EXOC5: variants seen among roughly 807,000 people sequenced by gnomAD.
EXOC5 encodes the protein exocyst complex component 5, also known as SEC10-like 1.
A neutral mutation model predicts 90.8 loss-of-function variants in EXOC5; 17 were observed. That is an observed-to-expected ratio of 0.19 (90% CI 0.13 to 0.28). The LOEUF (loss-of-function observed/expected upper bound fraction) is 0.28, where lower values mean the gene tolerates loss of function less well. Among genes scored for constraint, EXOC5 ranks in the 10% least tolerant of loss-of-function variants. The pLI, the probability that EXOC5 is intolerant of heterozygous loss-of-function variation, is 1.00. For missense variants in EXOC5, 569 were observed against 830.6 expected, an observed-to-expected ratio of 0.69 and a Z score of 3.87; for synonymous variants, 260 against 270.0, an observed-to-expected ratio of 0.96 and a Z score of 0.36.
intron 15 of EXOC5, among the ~76,000 whole-genome samples, chr14:57,210,383 G>A (rs965975538): frequency 1.3e-5 from 2 of 152,078 alleles, no homozygotes; most frequent in African/African-American, 2.4e-5. Flanking sequence ...CCATATACAA[G>A]TTGAGTATCC....
In EXOC5 at chr14:57,239,577, CTT is replaced by C. The variant is rs1883791914; in HGVS notation, c.530+16_530+17del. ...ATTATACCACATATTCAAATTAGCT[CTT>C]GAGAAATGAACTTGCCTATCAAAAG... is the stretch of plus-strand genomic sequence containing the variant. On this transcript the variant is annotated intron_variant, in intron 5 of 17. Coordinates refer to ENST00000621441, the MANE Select transcript of EXOC5 (RefSeq NM_006544.4). The C allele has an allele frequency of 2.9e-6, 4 of 1,376,524 alleles. No individual in the cohort carries two copies. Among genetic ancestry groups the C allele is most frequent in the Non-Finnish European group, 4.0e-6 (4 of 1,000,738 alleles). 85.3% of individuals were successfully genotyped at this position (1,376,524 alleles called of 1,614,324 possible). A position where few individuals can be genotyped will look rare whatever the true frequency, so the allele number is the denominator to read the frequency against.
At chr14:57,217,128 G>C (rs775093861) in intron 15 of EXOC5, among the ~76,000 whole-genome samples, 4 of 152,138 alleles carry the variant, frequency 2.6e-5, no homozygotes, top group Non-Finnish European at 5.9e-5. Flanking sequence ...CAAGAATGCA[G>C]GTAAAAGAGG....
At chr14:57,234,173 A>G (rs182590582) in intron 7 of EXOC5, 141 bp from the exon 8 acceptor site, 1 of 606,822 alleles carries the variant, frequency 1.6e-6, no homozygotes, top group Non-Finnish European at 2.9e-6. Context: ...CTTAAATAAA[A>G]TTAACTGCAG....
In EXOC5 at chr14:57,235,962, G is replaced by A. The variant is rs1023841029; in HGVS notation, c.560-142C>T. ...ACAAAAACAAATGAGATTATAGGCC[G>A]TGAACCCAGCCCCTGTAATATACTG... On this transcript the variant is annotated intron_variant, in intron 6 of 17. Coordinates refer to ENST00000621441, the MANE Select transcript of EXOC5 (RefSeq NM_006544.4). The A allele has an allele frequency of 5.8e-5, 34 of 588,516 alleles. 1 individual carries two copies. The highest frequency in any genetic ancestry group is 3.9e-4 in the African/African-American group (21 of 53,856). 36.5% of individuals were successfully genotyped at this position (588,516 alleles called of 1,614,324 possible). A position where few individuals can be genotyped will look rare whatever the true frequency, so the allele number is the denominator to read the frequency against.
Position 57,209,698 on chromosome 14 carries a change from A to G in EXOC5, c.1807T>C (p.Leu603=), listed in dbSNP as rs1882768161. 1.2e-6 allele frequency: 2 copies of G among 1,613,068 alleles called. No individual in the cohort carries two copies. The highest frequency in any genetic ancestry group is 1.3e-5 in the African/African-American group (1 of 75,030). The part of the protein sequence containing the change: ...SMDGKNVDTV[L]MELGVRFHRL... The stretch of plus-strand genomic sequence containing the variant: ...TGAAAACGTACTCCAAGTTCCATCA[A>G]AACTGTATCCACATTCTTCCCATCC... The change falls in exon 17 of 18, where the codon TTG becomes CTG. Residue 603 remains leucine, a synonymous_variant. Transcript: ENST00000621441.
At chr14:57,226,191 G>C (rs1278874768) in intron 12 of EXOC5, among the ~76,000 whole-genome samples, 3 of 152,152 alleles carry the variant, frequency 2.0e-5, no homozygotes, top group African/African-American at 7.2e-5. Context: ...GAAAGATCTT[G>C]AGGCCCACAA....
rs986865482 is a variant in EXOC5, at chr14:57,208,895, T to C, written c.1939-98A>G. 23 of 724,084 alleles carry C rather than the reference T, an allele frequency of 3.2e-5. No individual in the cohort carries two copies. The African/African-American group carries it at 3.7e-4, about 12-fold the overall frequency. 44.9% of individuals were successfully genotyped at this position (724,084 alleles called of 1,614,324 possible). A position where few individuals can be genotyped will look rare whatever the true frequency, so the allele number is the denominator to read the frequency against. ...TTACATACTGTCAGGTGGGACTTAC[T>C]AGTGTGGGTGAAGTTCAACATATTA... On this transcript the variant is annotated intron_variant, in intron 17 of 17. Transcript: ENST00000621441.
Position 57,244,318 on chromosome 14 carries a change from G to A in EXOC5, c.312C>T (p.Ser104=). 5 of 1,613,828 alleles carry A rather than the reference G, an allele frequency of 3.1e-6. No homozygotes were observed. The highest frequency in any genetic ancestry group is 1.6e-4 in the Middle Eastern group (1 of 6,062). ...GGTGACAGACTTTAGTTGCTACATA[G>A]CTAATGTGCTCATCTAGTTCTTGGA... ...QHFQELDEHI[S]YVATKVCHLG... The change falls in exon 4 of 18, where the codon AGC becomes AGT. Residue 104 remains serine, a synonymous_variant. Coordinates refer to ENST00000621441, the MANE Select transcript of EXOC5 (RefSeq NM_006544.4).
At chr14:57,230,195 T>C (rs567115591) in intron 11 of EXOC5, among the ~76,000 whole-genome samples, 2 of 152,298 alleles carry the variant, frequency 1.3e-5, no homozygotes, top group East Asian at 3.9e-4. Flanking sequence ...TAGGTTGGCA[T>C]TCTAAATAAC....
In EXOC5 at chr14:57,266,699, T is replaced by C. The variant is rs1312514688; in HGVS notation, c.27+1923A>G. Among the ~76,000 whole-genome samples the C allele has an allele frequency of 3.1e-5, 4 of 129,700 alleles. No homozygotes were observed. In the Admixed American group the frequency reaches 3.2e-4, roughly 10 times the overall value. The allele number at this position is 129,700 out of a possible 152,430, so 85.1% of individuals were successfully genotyped here. A position where few individuals can be genotyped will look rare whatever the true frequency, so the allele number is the denominator to read the frequency against. ...TTACATTATATATATGTATGTTATA[T>C]ATACGTTATATATATATATGTGTAT... On this transcript the variant is annotated intron_variant, in intron 1 of 17. Transcript: ENST00000621441.
intron 3 of EXOC5, 125 bp downstream of exon 3, chr14:57,246,586 A>C (rs1672847877): frequency 1.2e-6 from 1 of 814,982 alleles, no homozygotes; most frequent in Non-Finnish European, 2.0e-6. Flanking sequence ...CATGGGACTA[A>C]AGCAGTAGAA....
rs1047276896 is a variant in EXOC5 at position 57,229,894 on chromosome 14, A to T, written c.1149-13T>A. 5 of 1,357,870 alleles carry T rather than the reference A, an allele frequency of 3.7e-6. No individual in the cohort carries two copies. In the African/African-American group the frequency reaches 4.3e-5, roughly 12 times the overall value. 84.1% of individuals were successfully genotyped at this position (1,357,870 alleles called of 1,614,324 possible). On this transcript the variant is annotated splice_polypyrimidine_tract_variant and intron_variant, in intron 11 of 17. Coordinates refer to ENST00000621441, the MANE Select transcript of EXOC5 (RefSeq NM_006544.4). ...CAAATCTTGAATACTAGTACATCATAAAGACAAATGAAAAAAAGAAAACAT... is the reference window on the plus strand; with the variant it reads ...CAAATCTTGAATACTAGTACATCATTAAGACAAATGAAAAAAAGAAAACAT...
In EXOC5 at chr14:57,207,002, C is replaced by T. The variant is rs1451072091; in HGVS notation, c.*1607G>A. ...GGCAATAGTACAAGCAAATGACTTT[C>T]TCTAGTATCCAAAACCTGCGCTGGC... On this transcript the variant is annotated 3_prime_UTR_variant, in exon 18 of 18. Transcript: ENST00000621441. The T allele has an allele frequency of 6.6e-6, 1 of 152,432 alleles. No individual in the cohort carries two copies. Among genetic ancestry groups the T allele is most frequent in the Non-Finnish European group, 1.5e-5 (1 of 67,910 alleles). 9.4% of individuals were successfully genotyped at this position (152,432 alleles called of 1,614,324 possible).
chr14:57,251,168 T>A (rs1884178760), intron 1 of EXOC5, among the ~76,000 whole-genome samples: 1 of 152,188 alleles, frequency 6.6e-6, no homozygotes, highest in South Asian at 2.1e-4. Flanking sequence ...CAATTTCAGC[T>A]CTTAGCACAA....
intron 5 of EXOC5, chr14:57,237,658 T>C: frequency 3.7e-6 from 1 of 271,398 alleles, no homozygotes; most frequent in Non-Finnish European, 6.9e-6. Context: ...ATCAATTCTC[T>C]TTTTAAAGAA....
chr14:57,246,650 TG>T lies in EXOC5; in HGVS notation c.270+60del, dbSNP rs369264268. 640 of 1,418,372 alleles carry T rather than the reference TG, an allele frequency of 4.5e-4. 3 individuals are homozygous for T. In the African/African-American group the frequency reaches 7.9e-3, roughly 17 times the overall value. 87.9% of individuals were successfully genotyped at this position (1,418,372 alleles called of 1,614,324 possible). On this transcript the variant is annotated intron_variant, in intron 3 of 17. Transcript: ENST00000621441. ...CTAGACTTTTTTAAGAGCTTAAAACTGGAAGAAAATAAAGATATTATAGCCT... is the reference window on the plus strand; with the variant it reads ...CTAGACTTTTTTAAGAGCTTAAAACTGAAGAAAATAAAGATATTATAGCCT...
In EXOC5 at chr14:57,221,560, C is replaced by T. The variant is rs114134814; in HGVS notation, c.1405+748G>A. Among the ~76,000 whole-genome samples the T allele has an allele frequency of 7.6e-3, 1,155 of 152,124 alleles. 19 individuals carry two copies. Among genetic ancestry groups the T allele is most frequent in the African/African-American group, 0.026 (1,095 of 41,496 alleles). ...GAAGAGTACATGAATTTGACTTATG[C>T]CTGGAAGTATACTGACAGGATTTGC... is the stretch of plus-strand genomic sequence containing the variant. On this transcript the variant is annotated intron_variant, in intron 13 of 17. Transcript: ENST00000621441.
At chr14:57,228,198 A>AT (rs1883368769) in intron 12 of EXOC5, among the ~76,000 whole-genome samples, 1 of 152,202 alleles carries the variant, frequency 6.6e-6, no homozygotes, top group Admixed American at 6.5e-5. Context: ...AACAGTCAGG[A>AT]AACAACAAAT....
At chr14:57,251,545 G>C (rs1884192836) in intron 1 of EXOC5, among the ~76,000 whole-genome samples, 2 of 152,056 alleles carry the variant, frequency 1.3e-5, no homozygotes, top group African/African-American at 4.8e-5. Flanking sequence ...GTGCTAAGGA[G>C]TAAATTTGCA....
Sources: allele counts gnomAD v4.1 joint callset (sites outside exome capture counted in the v4.1 genomes callset), GRCh38; gene constraint gnomAD v4.1.1; transcripts MANE v1.5; gene names NCBI Gene and HGNC (gene_info 2026-07-23, HGNC 2026-07-21).